The following OPLAH variants were observed in gnomAD, a reference collection of about 807,000 sequenced individuals.
OPLAH encodes the protein 5-oxoprolinase, ATP-hydrolysing, also known as 5-oxoprolinase.
Under a neutral mutation model 122.8 loss-of-function variants are expected in OPLAH, and 103 were observed. That is an observed-to-expected ratio of 0.84 (90% CI 0.71 to 0.99). OPLAH has a LOEUF of 0.99. Among genes scored for constraint, OPLAH ranks in the 50% least tolerant of loss-of-function variants. The pLI, the probability that OPLAH is intolerant of heterozygous loss-of-function variation, is 0.00. For synonymous variants in OPLAH, 875 were observed against 796.0 expected, an observed-to-expected ratio of 1.10 and a Z score of -1.67; for missense variants, 1,902 against 1,836.5, an observed-to-expected ratio of 1.04 and a Z score of -0.65.
chr8:144,057,979 G>T, intron 8 of OPLAH, 31 bp downstream of exon 8: 2 of 1,612,164 alleles, frequency 1.2e-6, no homozygotes, highest in Non-Finnish European at 1.7e-6. Context: ...GACAGGGCTG[G>T]GGTCCCAGCC....
Position 144,051,308 on chromosome 8 carries a change from A to T in OPLAH, c.*18T>A. On this transcript the variant is annotated 3_prime_UTR_variant, in exon 27 of 27. Transcript: ENST00000618853. Reference sequence around the variant, plus strand: ...TCCCCAGAACCGGGAGACTTAAGGCATCTTTATTGCGGGATCCTCACACGG... The same window carrying T: ...TCCCCAGAACCGGGAGACTTAAGGCTTCTTTATTGCGGGATCCTCACACGG... 2 of 1,610,412 alleles carry T rather than the reference A, an allele frequency of 1.2e-6. No individual in the cohort carries two copies. The highest frequency in any genetic ancestry group is 2.2e-5 in the South Asian group (2 of 91,028).
rs1468778573 is a variant in OPLAH, at chr8:144,059,972, C to T, written c.61G>A (p.Val21Ile). The T allele has an allele frequency of 6.8e-6, 11 of 1,612,624 alleles. No homozygotes were observed. Among genetic ancestry groups the T allele is most frequent in the Non-Finnish European group, 9.3e-6 (11 of 1,179,822 alleles). ...TGCCCCCCTGGGCACTGGGCAAAGA[C>T]GTCTGTGAAGGTACCCCCACGGTCG... Reference protein sequence around the residue: ...AIDRGGTFTDVFAQCPGGHVR... With the variant: ...AIDRGGTFTDIFAQCPGGHVR... The change falls in exon 2 of 27, where the codon GTC (valine) becomes ATC (isoleucine). Residue 21 changes from valine to isoleucine, a missense_variant. By Grantham distance (29) the Val-to-Ile change is conservative (BLOSUM62 3). Coordinates refer to ENST00000618853, the MANE Select transcript of OPLAH (RefSeq NM_017570.5).
Position 144,055,351 on chromosome 8 carries a change from C to T in OPLAH, c.2249-162G>A, listed in dbSNP as rs1197730141. ...AGTTGACGGTGTGCCCACTTGGCCA[C>T]GTCTTAGCCTATGTAAAGGACACCA... is the stretch of plus-strand genomic sequence containing the variant. On this transcript the variant is annotated intron_variant, in intron 16 of 26. Transcript: ENST00000618853. The surrounding 1 kb of genome is among the most constrained non-coding windows in gnomAD (Gnocchi z 6.5). Among the ~76,000 whole-genome samples, 7 of 151,982 alleles carry T rather than the reference C, an allele frequency of 4.6e-5. No homozygotes were observed. Among genetic ancestry groups the T allele is most frequent in the Non-Finnish European group, 1.0e-4 (7 of 67,998 alleles).
chr8:144,056,928 A>G lies in OPLAH; in HGVS notation c.1706+20T>C. Reference sequence around the variant, plus strand: ...TGAGGACAACGTAAGCCCTCTGTCCAGGGCACCCTGGGAGCCCACCTGGGG... The same window carrying G: ...TGAGGACAACGTAAGCCCTCTGTCCGGGGCACCCTGGGAGCCCACCTGGGG... On this transcript the variant is annotated intron_variant, in intron 12 of 26. Coordinates refer to ENST00000618853, the MANE Select transcript of OPLAH (RefSeq NM_017570.5). 1 of 1,559,112 alleles carries G rather than the reference A, an allele frequency of 6.4e-7. No individual in the cohort carries two copies.
intron 26 of OPLAH, 119 bp from the exon 27 acceptor site, chr8:144,051,591 G>A (rs1835377262): frequency 8.6e-6 from 10 of 1,160,278 alleles, no homozygotes; most frequent in South Asian, 3.0e-5. Flanking sequence ...GGACCACGGA[G>A]GCCCGGTACG....
In OPLAH at chr8:144,051,772, G is replaced by T. The variant is rs375535368; in HGVS notation, c.3677C>A (p.Thr1226Lys). Residue 1226 changes from threonine (T) to lysine (K), a missense_variant, in exon 26 of 27, where the codon ACG becomes AAG. Transcript: ENST00000618853. ...CGACGTCTTGCCGCCCAGATTCACC[G>T]TCCGGCCGTTTTTGCGGATCAGCAG... ...LNLLIRKNGR[T>K]VNLGGKTSVT... 1.2e-6 allele frequency: 2 copies of T among 1,607,416 alleles called. No homozygotes were observed. Among genetic ancestry groups the T allele is most frequent in the Non-Finnish European group, 1.7e-6 (2 of 1,178,566 alleles).
At chr8:144,057,965 G>A in intron 8 of OPLAH, 42 bp from the exon 9 acceptor site, 1 of 1,611,960 alleles carries the variant, frequency 6.2e-7, no homozygotes, top group South Asian at 1.1e-5. Flanking sequence ...GACACGAGGA[G>A]GGAGACAGGG....
At position 144,059,083 on chromosome 8, in the gene OPLAH, G is replaced by T. The variant is rs1391524265; in HGVS notation, c.364-4C>A. The T allele has an allele frequency of 1.3e-6, 2 of 1,570,150 alleles. No homozygotes were observed. Among genetic ancestry groups the T allele is most frequent in the East Asian group, 2.4e-5 (1 of 42,260 alleles). ...GCACCTCAGGCATGGGCACGGCCTGGGGGCGGGCAGAGACTCAGAAGAGGC... is the reference window on the plus strand; with the variant it reads ...GCACCTCAGGCATGGGCACGGCCTGTGGGCGGGCAGAGACTCAGAAGAGGC... On this transcript the variant is annotated splice_polypyrimidine_tract_variant and splice_region_variant and intron_variant, in intron 3 of 26. Transcript: ENST00000618853.
chr8:144,060,104 A>G lies in OPLAH; in HGVS notation c.-53-19T>C. ...GGAAAAACTGGACGGAGGCGGGGTC[A>G]GCCCGGGCTCACCTGCGAGTGGGAC... On this transcript the variant is annotated intron_variant, in intron 1 of 26. Coordinates refer to ENST00000618853, the MANE Select transcript of OPLAH (RefSeq NM_017570.5). 2 of 1,511,296 alleles carry G rather than the reference A, an allele frequency of 1.3e-6. No individual in the cohort carries two copies. Among genetic ancestry groups the G allele is most frequent in the Non-Finnish European group, 1.8e-6 (2 of 1,124,788 alleles). The allele number at this position is 1,511,296 out of a possible 1,614,324, so 93.6% of individuals were successfully genotyped here.
chr8:144,051,376 G>C lies in OPLAH; in HGVS notation c.3817C>G (p.Pro1273Ala), dbSNP rs1162518257. The change falls in exon 27 of 27, where the codon CCC becomes GCC. Residue 1273 changes from proline to alanine, a missense_variant. By Grantham distance (27) the Pro-to-Ala change is conservative. Transcript: ENST00000618853. ...TACTCATAGACGCTGCCGTGCTCGG[G>C]AAAGGCCAGTGCTTGCGGGGGCGAC... ...PGSPPQALAF[P>A]EHGSVYEYRR... is the part of the protein sequence containing the mutation. 1.2e-6 allele frequency: 2 copies of C among 1,608,452 alleles called. No homozygotes were observed. The highest frequency in any genetic ancestry group is 2.2e-5 in the South Asian group (2 of 90,944).
Position 144,054,622 on chromosome 8 carries a change from T to C in OPLAH, c.2625A>G (p.Gln875=). Residue 875 remains glutamine (Q), a synonymous_variant, in exon 19 of 27, where the codon CAA becomes CAG. Coordinates refer to ENST00000618853, the MANE Select transcript of OPLAH (RefSeq NM_017570.5). ...AGGACAGAAAGACGGCACCCTCCTG[T>C]TGCAGCATGGTGGAGTGGGGGGGCA... ...GSMPPHSTML[Q]QEGAVFLSFK... The C allele has an allele frequency of 6.2e-7, 1 of 1,609,644 alleles. No homozygotes were observed. Among genetic ancestry groups the C allele is most frequent in the Non-Finnish European group, 8.5e-7 (1 of 1,177,328 alleles).
At chr8:144,050,407 G>C (rs1373956318), downstream of OPLAH, 2 of 985,590 alleles carry the variant, frequency 2.0e-6, no homozygotes, top group East Asian at 1.1e-4. Flanking sequence ...TGGAGAGGTC[G>C]TGGCTTTCAG....
rs1587548662 is a variant in OPLAH at position 144,051,440 on chromosome 8, A to C, written c.3753T>G (p.Gly1251=). The C allele has an allele frequency of 7.9e-7, 1 of 1,262,338 alleles. No individual in the cohort carries two copies. Among genetic ancestry groups the C allele is most frequent in the African/African-American group, 1.7e-5 (1 of 57,228 alleles). The allele number at this position is 1,262,338 out of a possible 1,614,324, so 78.2% of individuals were successfully genotyped here. The change falls in exon 27 of 27, where the codon GGT becomes GGG. Residue 1251 remains glycine, a synonymous_variant. Transcript: ENST00000618853. ...CGGGGTCCTCCGGGTCCCCATAGCC[A>C]CCGCCGCCGGGCGTGTGGAGACAGA... ...DVFCLHTPGG[G]GYGDPEDPAP...
At position 144,058,004 on chromosome 8, in the gene OPLAH, G is replaced by A; in HGVS notation, c.1088+6C>T. 6.2e-7 allele frequency: 1 copy of A among 1,612,426 alleles called. No individual in the cohort carries two copies. The highest frequency in any genetic ancestry group is 8.5e-7 in the Non-Finnish European group (1 of 1,179,722). ...GGGTCCCAGCCTGGGAAGCAGGAGA[G>A]CTGACCTGAAGAAGAGGCGGGAACC... On this transcript the variant is annotated splice_donor_region_variant and intron_variant, in intron 8 of 26. Transcript: ENST00000618853.
At chr8:144,060,165 C>T (rs1554760612) in intron 1 of OPLAH, 80 bp from the exon 2 acceptor site, 1 of 1,041,924 alleles carries the variant, frequency 9.6e-7, no homozygotes, top group East Asian at 2.6e-5. Flanking sequence ...CGGGGGGTTC[C>T]TGAGGGAGAG....
chr8:144,054,651 A>T lies in OPLAH; in HGVS notation c.2596T>A (p.Ser866Thr). ...AGCATGGTGGAGTGGGGGGGCATGGAGCCTGGTGTGATGCCCCCGATGTCT... is the reference window on the plus strand; with the variant it reads ...AGCATGGTGGAGTGGGGGGGCATGGTGCCTGGTGTGATGCCCCCGATGTCT... Reference protein sequence around the residue: ...HADIGGITPGSMPPHSTMLQQ... With the variant: ...HADIGGITPGTMPPHSTMLQQ... Residue 866 changes from serine (S) to threonine (T), a missense_variant, in exon 19 of 27, where the codon TCC becomes ACC. Coordinates refer to ENST00000618853, the MANE Select transcript of OPLAH (RefSeq NM_017570.5). 6.2e-7 allele frequency: 1 copy of T among 1,612,218 alleles called. No homozygotes were observed.
At chr8:144,062,056 C>T (rs996039103), upstream of OPLAH, among the ~76,000 whole-genome samples, 2 of 151,982 alleles carry the variant, frequency 1.3e-5, no homozygotes, top group Non-Finnish European at 2.9e-5. Context: ...CAGCAGCCCT[C>T]GGGGTGCTCT....
rs782715961 is a variant in OPLAH, at chr8:144,051,489, GGGC to G, written c.3721-20_3721-18del. On this transcript the variant is annotated intron_variant, in intron 26 of 26. Transcript: ENST00000618853. ...GAACACATCCTGTTGGCGCGGGGGG[GGGC>G]GGGGAGGCGGGCTCAGTGCAGGCGT... 396 of 1,448,006 alleles carry G rather than the reference GGGC, an allele frequency of 2.7e-4. 6 individuals carry two copies. The African/African-American group carries it at 4.9e-3, about 18-fold the overall frequency. 89.7% of individuals were successfully genotyped at this position (1,448,006 alleles called of 1,614,324 possible).
At chr8:144,053,183 G>A (rs782781768) in intron 20 of OPLAH, 26 bp downstream of exon 20, 15 of 1,610,334 alleles carry the variant, frequency 9.3e-6, no homozygotes, top group Middle Eastern at 1.6e-4. Context: ...TGGCCCTGCC[G>A]CCCACACTCC....
Sources: allele counts gnomAD v4.1 joint callset (sites outside exome capture counted in the v4.1 genomes callset), GRCh38; gene constraint gnomAD v4.1.1; non-coding constraint Gnocchi (gnomAD v3.1); transcripts MANE v1.5; gene names NCBI Gene and HGNC (gene_info 2026-07-23, HGNC 2026-07-21).